SLC44A2: variants seen among roughly 807,000 people sequenced by gnomAD.
SLC44A2 encodes choline transporter-like protein 2.
In SLC44A2, 57 loss-of-function variants were observed where a neutral mutation model predicts 90.8. The ratio of observed to expected loss-of-function variants is 0.63; its 90% CI spans 0.51 to 0.78. SLC44A2 has a LOEUF of 0.78. SLC44A2 is among the 30% of genes least tolerant of loss of function. SLC44A2 has a pLI of 0.00. For missense variants in SLC44A2, 794 were observed against 919.7 expected, an observed-to-expected ratio of 0.86 and a Z score of 1.77; for synonymous variants, 355 against 360.7, an observed-to-expected ratio of 0.98 and a Z score of 0.18.
chr19:10,643,758 G>A lies in SLC44A2; in HGVS notation c.*373G>A, dbSNP rs536067300. 3.0e-5 allele frequency: 6 copies of A among 196,824 alleles called. No individual in the cohort carries two copies. The East Asian group carries it at 7.6e-4, about 25-fold the overall frequency. 12.2% of individuals were successfully genotyped at this position (196,824 alleles called of 1,614,324 possible). ...GGTGTTTGTGTCTGAGGGAGCTGCT[G>A]GCCACAGTGAACACCCACGTTTATT... On this transcript the variant is annotated 3_prime_UTR_variant, in exon 22 of 22. Coordinates refer to ENST00000335757, the MANE Select transcript of SLC44A2 (RefSeq NM_020428.4).
chr19:10,643,600 A>C lies in SLC44A2; in HGVS notation c.*215A>C, dbSNP rs2144902205. On this transcript the variant is annotated 3_prime_UTR_variant, in exon 22 of 22. Transcript: ENST00000335757. ...TTGGAGTTTTCATGGCTGCCCCTCC[A>C]GACTGCGAGAAACAAGTAAAAACCC... The C allele has an allele frequency of 6.1e-6, 3 of 494,952 alleles. No individual in the cohort carries two copies. In the South Asian group the frequency reaches 8.3e-5, roughly 14 times the overall value. 30.7% of individuals were successfully genotyped at this position (494,952 alleles called of 1,614,324 possible).
chr19:10,619,845 C>G (rs1029595871), intron 1 of SLC44A2, among the ~76,000 whole-genome samples: 2 of 152,226 alleles, frequency 1.3e-5, no homozygotes, highest in Non-Finnish European at 2.9e-5. Context: ...GTCCCAGCTA[C>G]TTGGGAGGCT....
intron 10 of SLC44A2, among the ~76,000 whole-genome samples, chr19:10,633,849 G>A (rs1335601745): frequency 6.6e-6 from 1 of 152,042 alleles, no homozygotes; most frequent in Non-Finnish European, 1.5e-5. Context: ...TATTAATAGT[G>A]GTTTCTAGCT....
At position 10,637,850 on chromosome 19, in the gene SLC44A2, C is replaced by T. The variant is rs1445758924; in HGVS notation, c.1696-6C>T. 1 of 1,614,000 alleles carries T rather than the reference C, an allele frequency of 6.2e-7. No homozygotes were observed. Among genetic ancestry groups the T allele is most frequent in the African/African-American group, 1.3e-5 (1 of 74,908 alleles). Reference sequence around the variant, plus strand: ...GGTCTGATCTCTCCCTCCCACTCTCCTCCAGATTGCCATCTACGGCACCAA... The same window carrying T: ...GGTCTGATCTCTCCCTCCCACTCTCTTCCAGATTGCCATCTACGGCACCAA... On this transcript the variant is annotated splice_polypyrimidine_tract_variant and splice_region_variant and intron_variant, in intron 17 of 21. Transcript: ENST00000335757.
In SLC44A2 at chr19:10,643,021, A is replaced by C. The variant is rs1369981414; in HGVS notation, c.2015-258A>C. 3.9e-6 allele frequency: 6 copies of C among 1,529,530 alleles called. No individual in the cohort carries two copies. The East Asian group carries it at 1.4e-4, about 35-fold the overall frequency. The allele number at this position is 1,529,530 out of a possible 1,614,324, so 94.7% of individuals were successfully genotyped here. A position where few individuals can be genotyped will look rare whatever the true frequency, so the allele number is the denominator to read the frequency against. On this transcript the variant is annotated intron_variant, in intron 21 of 21. Coordinates refer to ENST00000335757, the MANE Select transcript of SLC44A2 (RefSeq NM_020428.4). ...AGCGGGCAGAAGCCGAGGAGTAGAG[A>C]GTGAGGGAGACTGGCGTGGGGGCCA...
chr19:10,606,141 A>G (rs988436147), intron 1 of SLC44A2, among the ~76,000 whole-genome samples: 1 of 151,090 alleles, frequency 6.6e-6, no homozygotes, highest in Non-Finnish European at 1.5e-5. Flanking sequence ...CTACAAAAAA[A>G]TTTAAAAATT....
At chr19:10,615,617 AAGAG>A (rs1226285999) in intron 1 of SLC44A2, among the ~76,000 whole-genome samples, 1 of 121,736 alleles carries the variant, frequency 8.2e-6, no homozygotes, top group Non-Finnish European at 1.8e-5. Flanking sequence ...GCTGAGGAGG[AAGAG>A]GAAGAGGAAG....
In SLC44A2 at chr19:10,634,745, C is replaced by G; in HGVS notation, c.824-11C>G. On this transcript the variant is annotated splice_polypyrimidine_tract_variant and intron_variant, in intron 10 of 21. Transcript: ENST00000335757. ...GCACTGCTGGACTGAGCTTGTGGTT[C>G]CCCCATGCAGGAATATTTCACTGCT... 1 of 1,614,126 alleles carries G rather than the reference C, an allele frequency of 6.2e-7. No individual in the cohort carries two copies. Among genetic ancestry groups the G allele is most frequent in the Non-Finnish European group, 8.5e-7 (1 of 1,180,012 alleles).
chr19:10,623,818 T>G (rs917531248), upstream of SLC44A2, among the ~76,000 whole-genome samples: 5 of 151,906 alleles, frequency 3.3e-5, no homozygotes, highest in Admixed American at 6.6e-5. Context: ...GCCTCCCCAG[T>G]AGCTGGGATT....
Position 10,608,962 on chromosome 19 carries a change from T to TC in SLC44A2, c.31+6401_31+6402insC, listed in dbSNP as rs1305224008. Among the ~76,000 whole-genome samples the TC allele has an allele frequency of 3.4e-5, 5 of 147,822 alleles. No homozygotes were observed. The East Asian group carries it at 9.8e-4, about 29-fold the overall frequency. Reference sequence around the variant, plus strand: ...CACTGCACCCAGCCTACCTTTTTTTTTTTTTTTTTTTTTGAGATGGAGTCT... The same window carrying TC: ...CACTGCACCCAGCCTACCTTTTTTTTCTTTTTTTTTTTTTGAGATGGAGTCT... On this transcript the variant is annotated intron_variant, in intron 1 of 21. Coordinates refer to the SLC44A2 transcript ENST00000407327.
At chr19:10,628,069 C>A in intron 4 of SLC44A2, 65 bp downstream of exon 4, 1 of 1,409,712 alleles carries the variant, frequency 7.1e-7, no homozygotes, top group Non-Finnish European at 9.9e-7. Context: ...TAGGCATTCC[C>A]CATCTCTCTA....
At chr19:10,616,151 A>C (rs2066853527) in intron 1 of SLC44A2, among the ~76,000 whole-genome samples, 1 of 152,020 alleles carries the variant, frequency 6.6e-6, no homozygotes, top group Admixed American at 6.6e-5. Context: ...AGAAAAAAAA[A>C]AAAAAGGATG....
At chr19:10,636,177 C>A in intron 14 of SLC44A2, 146 bp from the exon 15 acceptor site, 1 of 981,440 alleles carries the variant, frequency 1.0e-6, no homozygotes. Context: ...AAGCCATATT[C>A]TGAACTCTTA....
At chr19:10,631,432 G>A (rs1429800109) in intron 6 of SLC44A2, 43 bp from the exon 7 acceptor site, 1 of 1,614,066 alleles carries the variant, frequency 6.2e-7, no homozygotes, top group East Asian at 2.2e-5. Context: ...CAGTGGCAGT[G>A]TACTAGACTT....
In SLC44A2 at chr19:10,607,031, C is replaced by A. The variant is rs905385516; in HGVS notation, c.31+4470C>A. ...GGTTCACGCCATTCTCCTGCCTCAG[C>A]CTCCCGAGTAGCTGGGACTACAGGC... On this transcript the variant is annotated intron_variant, in intron 1 of 21. Transcript: ENST00000407327. Among the ~76,000 whole-genome samples the A allele has an allele frequency of 9.3e-5, 14 of 150,762 alleles. No homozygotes were observed. In the Admixed American group the frequency reaches 9.3e-4, roughly 10 times the overall value.
upstream of SLC44A2, among the ~76,000 whole-genome samples, chr19:10,620,695 G>A (rs1469300700): frequency 1.3e-5 from 2 of 152,156 alleles, no homozygotes; most frequent in African/African-American, 4.8e-5. Flanking sequence ...CAATAGGCAA[G>A]AGGGCAGATA....
At chr19:10,641,926 G>A (rs1489113212) in intron 20 of SLC44A2, among the ~76,000 whole-genome samples, 2 of 152,076 alleles carry the variant, frequency 1.3e-5, no homozygotes, top group African/African-American at 2.4e-5. Flanking sequence ...GGGAGGCTGC[G>A]AGGCAGGTGG....
chr19:10,626,273 C>A lies in SLC44A2; in HGVS notation c.58C>A (p.Pro20Thr). The A allele has an allele frequency of 1.2e-6, 2 of 1,613,638 alleles. No homozygotes were observed. Among genetic ancestry groups the A allele is most frequent in the Non-Finnish European group, 1.7e-6 (2 of 1,179,534 alleles). ...TTCAGGAACGCCACAGAAGTATGAT[C>A]CCACTTTCAAAGGACCCATTTACAA... ...GKHGTPQKYD[P>T]TFKGPIYNRG... Residue 20 changes from proline to threonine, a missense_variant, in exon 2 of 22, where the codon CCC becomes ACC. Physicochemically the swap from Pro to Thr is conservative, Grantham distance 38. Around this residue, in one of 3 missense-constraint regions of SLC44A2, gnomAD observed 738 missense variants for 841.1 expected, o/e 0.88. Coordinates refer to ENST00000335757, the MANE Select transcript of SLC44A2 (RefSeq NM_020428.4).
Position 10,635,003 on chromosome 19 carries a change from A to G in SLC44A2, c.985A>G (p.Ile329Val). ...CATTCTGAGTATCCTTGAAGTCATTATCATCTTGCTGCTCATCTTTCTCCG... is the reference window on the plus strand; with the variant it reads ...CATTCTGAGTATCCTTGAAGTCATTGTCATCTTGCTGCTCATCTTTCTCCG... ...MIILSILEVI[I>V]ILLLIFLRKR... Residue 329 changes from isoleucine to valine, a missense_variant, in exon 12 of 22, where the codon ATC becomes GTC. By Grantham distance (29) the Ile-to-Val change is conservative (BLOSUM62 3). Around this residue, in one of 3 missense-constraint regions of SLC44A2, gnomAD observed 738 missense variants for 841.1 expected, o/e 0.88. Coordinates refer to ENST00000335757, the MANE Select transcript of SLC44A2 (RefSeq NM_020428.4). The G allele has an allele frequency of 6.2e-7, 1 of 1,614,098 alleles. No homozygotes were observed.
Sources: allele counts gnomAD v4.1 joint callset (sites outside exome capture counted in the v4.1 genomes callset), GRCh38; gene constraint gnomAD v4.1.1; regional missense constraint gnomAD v4.1.1; transcripts MANE v1.5; gene names NCBI Gene and HGNC (gene_info 2026-07-23, HGNC 2026-07-21).